Variants in TDRD12 observed in about 807,000 individuals in gnomAD.
TDRD12 encodes the protein tudor domain containing 12.
TDRD12 carries 158 observed loss-of-function variants against 133.5 expected under a neutral mutation model. The ratio of observed to expected loss-of-function variants is 1.18; its 90% CI spans 1.04 to 1.35. The LOEUF (loss-of-function observed/expected upper bound fraction) is 1.35, where lower values mean the gene tolerates loss of function less well. Ranked by LOEUF, TDRD12 falls within the 40% of genes most tolerant of loss-of-function variation. The pLI, the probability that TDRD12 is intolerant of heterozygous loss-of-function variation, is 0.00. For synonymous variants in TDRD12, 460 were observed against 477.9 expected (o/e 0.96, Z 0.49); for missense variants, 1,443 against 1,321.3 (o/e 1.09, Z -1.43).
intron 19 of TDRD12, among the ~76,000 whole-genome samples, chr19:32,802,146 T>TTATATATATA (rs1568486960): frequency 3.5e-5 from 5 of 142,838 alleles, no homozygotes; most frequent in African/African-American, 1.3e-4. Context: ...ATGATATATA[T>TTATATATATA]TATCATATAT....
At chr19:32,778,126 G>A (rs1039428268) in intron 11 of TDRD12, among the ~76,000 whole-genome samples, 2 of 151,872 alleles carry the variant, frequency 1.3e-5, no homozygotes, top group African/African-American at 4.8e-5. Context: ...GAGGTGGGGA[G>A]GTCCTGCTGT....
In TDRD12 at chr19:32,731,719, T is replaced by G. The variant is rs983153920; in HGVS notation, c.25-6T>G. On this transcript the variant is annotated splice_region_variant and splice_polypyrimidine_tract_variant and intron_variant, in intron 1 of 27. Coordinates refer to ENST00000444215, the Ensembl canonical transcript of TDRD12. ...CTGTTCTGTTTGTCTTTTAAAAAATTTACAGATTGAAGATCCAGGTTGCTT... is the reference window on the plus strand; with the variant it reads ...CTGTTCTGTTTGTCTTTTAAAAAATGTACAGATTGAAGATCCAGGTTGCTT... The G allele has an allele frequency of 1.3e-5, 20 of 1,528,672 alleles. No homozygotes were observed. In the African/African-American group the frequency reaches 2.7e-4, roughly 20 times the overall value. 94.7% of individuals were successfully genotyped at this position (1,528,672 alleles called of 1,614,324 possible).
At chr19:32,795,646 GTAT>G (rs1971203606) in intron 14 of TDRD12, among the ~76,000 whole-genome samples, 1 of 152,116 alleles carries the variant, frequency 6.6e-6, no homozygotes, top group South Asian at 2.1e-4. Context: ...CAGAATAACT[GTAT>G]TAAGTCTGTT....
At chr19:32,756,302 G>A (rs1969990465) in intron 7 of TDRD12, 121 bp downstream of exon 7, 3 of 831,610 alleles carry the variant, frequency 3.6e-6, no homozygotes, top group Admixed American at 4.2e-5. Context: ...TCTGTTTAAA[G>A]TTTAATCCTG....
downstream of TDRD12, chr19:32,824,197 C>G (rs975569771): frequency 6.6e-6 from 1 of 152,640 alleles, no homozygotes; most frequent in African/African-American, 2.4e-5. Context: ...GGTATTTGGA[C>G]AGTCAGTGTC....
chr19:32,799,408 C>T (rs1313133119), intron 16 of TDRD12, among the ~76,000 whole-genome samples: 2 of 152,212 alleles, frequency 1.3e-5, no homozygotes, highest in African/African-American at 4.8e-5. Context: ...CAGTTTTCTC[C>T]TCCAGCCTAA....
intron 8 of TDRD12, among the ~76,000 whole-genome samples, chr19:32,764,259 T>C (rs1970234379): frequency 6.6e-6 from 1 of 151,898 alleles, no homozygotes; most frequent in Non-Finnish European, 1.5e-5. Context: ...TACAGGCGCC[T>C]GCCACCACAC....
chr19:32,749,940 G>A (rs1969774873), intron 6 of TDRD12, 71 bp downstream of exon 6: 9 of 1,169,068 alleles, frequency 7.7e-6, no homozygotes, highest in Middle Eastern at 2.9e-4. Context: ...CAGAATAAAT[G>A]CCAAGAAAAA....
intron 6 of TDRD12, among the ~76,000 whole-genome samples, chr19:32,755,204 C>T (rs1407627116): frequency 6.6e-6 from 1 of 152,238 alleles, no homozygotes; most frequent in East Asian, 1.9e-4. Flanking sequence ...AGGCCCCTTA[C>T]AGATATTTAT....
exon 11 of TDRD12, chr19:32,777,197 G>T: frequency 6.5e-7 from 1 of 1,543,044 alleles, no homozygotes. Context: ...TGACTGAGAA[G>T]AAAGAATATG....
chr19:32,756,067 T>A lies in TDRD12; in HGVS notation c.658T>A (p.Tyr220Asn), dbSNP rs751585969. ...ACCTACAAAGAATAAAAACCTTGATTATTTAGAAAAACCAAGATTGAATAT... is the reference window on the plus strand; with the variant it reads ...ACCTACAAAGAATAAAAACCTTGATAATTTAGAAAAACCAAGATTGAATAT... The change falls in exon 7 of 28, where the codon TAT becomes AAT. Residue 220 changes from tyrosine to asparagine, a missense_variant. Transcript: ENST00000444215. 2.5e-5 allele frequency: 37 copies of A among 1,483,550 alleles called. No individual in the cohort carries two copies. The African/African-American group carries it at 5.0e-4, about 20-fold the overall frequency. The allele number at this position is 1,483,550 out of a possible 1,614,324, so 91.9% of individuals were successfully genotyped here. A position where few individuals can be genotyped will look rare whatever the true frequency, so the allele number is the denominator to read the frequency against.
intron 8 of TDRD12, among the ~76,000 whole-genome samples, chr19:32,766,248 G>A (rs1457831927): frequency 2.0e-5 from 3 of 152,022 alleles, no homozygotes; most frequent in South Asian, 2.1e-4. Flanking sequence ...ATTTTTGTGG[G>A]CACATAGTAG....
chr19:32,793,921 T>TGTA (rs1971143733), intron 13 of TDRD12, among the ~76,000 whole-genome samples: 1 of 150,080 alleles, frequency 6.7e-6, no homozygotes, highest in Non-Finnish European at 1.5e-5. Flanking sequence ...CAGCCTCCTA[T>TGTA]GTAGCTAGGA....
At chr19:32,742,986 T>C in intron 4 of TDRD12, 86 bp downstream of exon 4, 1 of 1,485,600 alleles carries the variant, frequency 6.7e-7, no homozygotes. Context: ...AGTTCCTCTG[T>C]AGAAGTGCTG....
At chr19:32,752,266 G>A (rs935789513) in intron 6 of TDRD12, among the ~76,000 whole-genome samples, 1 of 151,394 alleles carries the variant, frequency 6.6e-6, no homozygotes, top group South Asian at 2.1e-4. Context: ...TGCAACCTCC[G>A]CCTCCCAGGT....
intron 4 of TDRD12, among the ~76,000 whole-genome samples, chr19:32,745,831 A>G (rs1969593856): frequency 7.8e-6 from 1 of 127,596 alleles, no homozygotes; most frequent in Non-Finnish European, 1.6e-5. Context: ...AAGGAGAGAG[A>G]CTGGCTGATG....
At chr19:32,771,512 G>A (rs1568468835) in intron 8 of TDRD12, among the ~76,000 whole-genome samples, 2 of 150,526 alleles carry the variant, frequency 1.3e-5, no homozygotes, top group South Asian at 4.2e-4. Context: ...TTTTAATTCA[G>A]TTTATTTGAA....
intron 24 of TDRD12, among the ~76,000 whole-genome samples, chr19:32,811,791 C>T (rs752241695): frequency 9.9e-5 from 15 of 152,134 alleles, no homozygotes; most frequent in Non-Finnish European, 1.8e-4. Context: ...ATCCCTTGAG[C>T]CCAGGAAGTT....
At chr19:32,802,576 A>G (rs1217588149) in intron 19 of TDRD12, 80 bp from the exon 20 acceptor site, 5 of 1,450,856 alleles carry the variant, frequency 3.4e-6, no homozygotes, top group Admixed American at 4.3e-5. Flanking sequence ...AATGCACTGC[A>G]GTGTGGCCGT....
Sources: gnomAD v4.1 joint callset for allele counts (sites outside exome capture counted in the v4.1 genomes callset) on GRCh38, gnomAD v4.1.1 for gene constraint, MANE v1.5 for transcripts, NCBI Gene and HGNC (gene_info 2026-07-23, HGNC 2026-07-21) for gene names.